Variants in MLXIP observed in about 807,000 individuals in gnomAD.
MLXIP encodes MLX-interacting protein.
Under a neutral mutation model 87.2 loss-of-function variants are expected in MLXIP, and 30 were observed. The ratio of observed to expected loss-of-function variants is 0.34; its 90% CI spans 0.26 to 0.47. The LOEUF is 0.47. MLXIP is among the 20% of genes least tolerant of loss of function. The probability of loss-of-function intolerance (pLI) is 1.00; values close to 1 mark genes in which losing one functional copy is unlikely to be tolerated. For synonymous variants in MLXIP, 530 were observed against 514.0 expected (o/e 1.03, Z -0.42); for missense variants, 1,002 against 1,240.1 (o/e 0.81, Z 2.88).
At position 122,129,941 on chromosome 12, in the gene MLXIP, G is replaced by A. The variant is rs1371509934; in HGVS notation, c.739G>A (p.Asp247Asn). Residue 247 changes from aspartate to asparagine, a missense_variant and splice_region_variant, in exon 6 of 17, where the codon GAC becomes AAC. Asp to Asn is a conservative substitution (Grantham distance 23). Around this residue, in one of 3 missense-constraint regions of MLXIP, gnomAD observed 127 missense variants for 239.0 expected, o/e 0.53. Transcript: ENST00000319080. ...CTCCCCTGTGTTGGTGTTGTGTTAG[G>A]ACGATGACATGCTGTATTGGCACAA... is the stretch of plus-strand genomic sequence containing the variant. ...KDEDLSSLVQ[D>N]DDMLYWHKHG... 3 of 1,611,392 alleles carry A rather than the reference G, an allele frequency of 1.9e-6. No homozygotes were observed. The African/African-American group carries it at 4.0e-5, about 22-fold the overall frequency.
chr12:122,121,042 A>C (rs1438694391), intron 1 of MLXIP, among the ~76,000 whole-genome samples: 1 of 74,762 alleles, frequency 1.3e-5, no homozygotes. Context: ...ACGGTGTCTC[A>C]CTCTGTCGCC....
chr12:122,118,126 G>A (rs1023614755), intron 1 of MLXIP, among the ~76,000 whole-genome samples: 5 of 152,188 alleles, frequency 3.3e-5, no homozygotes, highest in Non-Finnish European at 5.9e-5. Context: ...TGAGATGGCT[G>A]CTAAGTGACT....
At chr12:122,092,493 C>A (rs1952261094) in intron 1 of MLXIP, among the ~76,000 whole-genome samples, 1 of 152,148 alleles carries the variant, frequency 6.6e-6, no homozygotes, top group African/African-American at 2.4e-5. Flanking sequence ...AATACCAAAT[C>A]TAAGACTGCC....
In MLXIP at chr12:122,135,385, C is replaced by T; in HGVS notation, c.1854+40C>T. Reference sequence around the variant, plus strand: ...AGGCAGACCTGCAGTGTCCTTCTCACCCCGGAGCACTCTGATCTTGGGCGG... The same window carrying T: ...AGGCAGACCTGCAGTGTCCTTCTCATCCCGGAGCACTCTGATCTTGGGCGG... On this transcript the variant is annotated intron_variant, in intron 10 of 16. Coordinates refer to ENST00000319080, the MANE Select transcript of MLXIP (RefSeq NM_014938.6). This position sits in a 1 kb window ranked among gnomAD's most constrained non-coding sequence, Gnocchi z 5.3. 1.9e-6 allele frequency: 3 copies of T among 1,601,660 alleles called. No individual in the cohort carries two copies. The highest frequency in any genetic ancestry group is 2.6e-6 in the Non-Finnish European group (3 of 1,173,138).
rs979562260 is a variant in MLXIP at position 122,138,463 on chromosome 12, A to C, written c.2296A>C (p.Ile766Leu). Residue 766 changes from isoleucine to leucine, a missense_variant, in exon 14 of 17, where the codon ATC (isoleucine) becomes CTC (leucine). Around this residue, in one of 3 missense-constraint regions of MLXIP, gnomAD observed 746 missense variants for 897.0 expected, o/e 0.83. Transcript: ENST00000319080. ...CACACTGCAGAAGACTGTGGAGTACATCACCAAGCTGCAGCAGGAGAGAGG... is the reference window on the plus strand; with the variant it reads ...CACACTGCAGAAGACTGTGGAGTACCTCACCAAGCTGCAGCAGGAGAGAGG... ...AITLQKTVEY[I>L]TKLQQERGQM... 5 of 1,613,820 alleles carry C rather than the reference A, an allele frequency of 3.1e-6. No individual in the cohort carries two copies. The African/African-American group carries it at 6.7e-5, about 22-fold the overall frequency.
In MLXIP at chr12:122,138,125, G is replaced by A. The variant is rs1281999239; in HGVS notation, c.2155-69G>A. 8 of 1,378,264 alleles carry A rather than the reference G, an allele frequency of 5.8e-6. No individual in the cohort carries two copies. In the Admixed American group the frequency reaches 1.2e-4, roughly 21 times the overall value. The allele number at this position is 1,378,264 out of a possible 1,614,324, so 85.4% of individuals were successfully genotyped here. On this transcript the variant is annotated intron_variant, in intron 12 of 16. Transcript: ENST00000319080. ...CCCTTGGGCACCCAGGATCAGCGTA[G>A]GGGGTGAGGAAGGGTGGACAGTGTG...
intron 16 of MLXIP, among the ~76,000 whole-genome samples, chr12:122,141,398 A>G (rs750430363): frequency 6.6e-6 from 1 of 152,214 alleles, no homozygotes; most frequent in Non-Finnish European, 1.5e-5. Context: ...AGATTATCCC[A>G]TATGTTAAGG....
chr12:122,129,293 C>T, intron 4 of MLXIP, 67 bp downstream of exon 4: 1 of 1,414,304 alleles, frequency 7.1e-7, no homozygotes. Flanking sequence ...GGTTCAGGGC[C>T]CTGGCCGAGG....
At position 122,138,448 on chromosome 12, in the gene MLXIP, A is replaced by G; in HGVS notation, c.2281A>G (p.Lys761Glu). ...GACCAGTCACGCCATCACACTGCAGAAGACTGTGGAGTACATCACCAAGCT... is the reference window on the plus strand; with the variant it reads ...GACCAGTCACGCCATCACACTGCAGGAGACTGTGGAGTACATCACCAAGCT... ...KLTSHAITLQKTVEYITKLQQ... is the reference protein window; with the variant it reads ...KLTSHAITLQETVEYITKLQQ... The change falls in exon 14 of 17, where the codon AAG (lysine) becomes GAG (glutamate). Residue 761 changes from lysine (K) to glutamate (E), a missense_variant. Coordinates refer to ENST00000319080, the MANE Select transcript of MLXIP (RefSeq NM_014938.6). 1 of 1,613,912 alleles carries G rather than the reference A, an allele frequency of 6.2e-7. No individual in the cohort carries two copies. The highest frequency in any genetic ancestry group is 8.5e-7 in the Non-Finnish European group (1 of 1,179,880).
At chr12:122,080,490 C>T (rs1362936492) in intron 1 of MLXIP, among the ~76,000 whole-genome samples, 2 of 152,154 alleles carry the variant, frequency 1.3e-5, no homozygotes, top group Non-Finnish European at 2.9e-5. Context: ...ATACTTAGCC[C>T]TGGATGGCAC....
In MLXIP at chr12:122,138,441, A is replaced by G; in HGVS notation, c.2274A>G (p.Thr758=). The part of the protein sequence containing the change: ...NNSKLTSHAI[T]LQKTVEYITK... ...TTCTGCAGACCAGTCACGCCATCAC[A>G]CTGCAGAAGACTGTGGAGTACATCA... Residue 758 remains threonine (T), a synonymous_variant, in exon 14 of 17, where the codon ACA becomes ACG. Coordinates refer to ENST00000319080, the MANE Select transcript of MLXIP (RefSeq NM_014938.6). 1 of 1,613,840 alleles carries G rather than the reference A, an allele frequency of 6.2e-7. No homozygotes were observed. The highest frequency in any genetic ancestry group is 8.5e-7 in the Non-Finnish European group (1 of 1,179,866).
chr12:122,124,414 ACCTCAGCCGTCCCCCT>A (rs1270651217), intron 1 of MLXIP, among the ~76,000 whole-genome samples: 91 of 1,150 alleles, frequency 0.079, 7 homozygotes, highest in Admixed American at 0.33. Flanking sequence ...GCCGTCCCCC[ACCTCAGCCGTCCCCCT>A]CCTCAGCCGT....
In MLXIP at chr12:122,143,886, G is replaced by A. The variant is rs1953254062; in HGVS notation, c.*2074G>A. On this transcript the variant is annotated 3_prime_UTR_variant, in exon 17 of 17. Coordinates refer to ENST00000319080, the MANE Select transcript of MLXIP (RefSeq NM_014938.6). The stretch of plus-strand genomic sequence containing the variant: ...CAGATATTTAAGGCTGTTAGGTTGT[G>A]TGAGCCTTGAAGTGTGTGTGTGTGT... 1 of 152,628 alleles carries A rather than the reference G, an allele frequency of 6.6e-6. No individual in the cohort carries two copies. The highest frequency in any genetic ancestry group is 1.5e-5 in the Non-Finnish European group (1 of 68,082). The allele number at this position is 152,628 out of a possible 1,614,324, so 9.5% of individuals were successfully genotyped here.
intron 14 of MLXIP, 43 bp from the exon 15 acceptor site, chr12:122,138,772 G>T (rs1449018530): frequency 1.2e-6 from 2 of 1,603,198 alleles, no homozygotes; most frequent in Non-Finnish European, 1.7e-6. Flanking sequence ...GTCCTTATTG[G>T]CCACTGGCTG....
chr12:122,117,823 T>G (rs972190917), intron 1 of MLXIP, among the ~76,000 whole-genome samples: 1 of 152,190 alleles, frequency 6.6e-6, no homozygotes, highest in Admixed American at 6.5e-5. Flanking sequence ...AAGCTTAATT[T>G]ATAAGTTAGG....
intron 1 of MLXIP, among the ~76,000 whole-genome samples, chr12:122,115,885 T>A (rs1229916393): frequency 1.3e-5 from 2 of 152,044 alleles, no homozygotes; most frequent in African/African-American, 4.8e-5. Context: ...AAACCCTGTC[T>A]CTACAAAAAC....
intron 15 of MLXIP, chr12:122,140,690 A>G (rs1350514134): frequency 1.8e-6 from 1 of 550,202 alleles, no homozygotes; most frequent in Non-Finnish European, 3.3e-6. Context: ...CCTGTTCCAG[A>G]CTAGAGACCT....
intron 1 of MLXIP, among the ~76,000 whole-genome samples, chr12:122,089,010 A>C (rs1343750949): frequency 9.3e-6 from 1 of 107,926 alleles, no homozygotes; most frequent in Non-Finnish European, 1.7e-5. Flanking sequence ...CCATCTCTAC[A>C]AAAAAAAAAA....
intron 1 of MLXIP, among the ~76,000 whole-genome samples, chr12:122,109,299 C>T (rs1952567469): frequency 6.6e-6 from 1 of 152,216 alleles, no homozygotes; most frequent in South Asian, 2.1e-4. Context: ...GAACTCCTGA[C>T]CTGAAGTGAT....
Sources: gnomAD v4.1 joint callset for allele counts (sites outside exome capture counted in the v4.1 genomes callset) on GRCh38, gnomAD v4.1.1 for gene constraint, gnomAD v4.1.1 regional missense constraint, Gnocchi (gnomAD v3.1) non-coding constraint, MANE v1.5 for transcripts, NCBI Gene and HGNC (gene_info 2026-07-23, HGNC 2026-07-21) for gene names.